The following COL5A2 variants were observed in gnomAD, a reference collection of about 807,000 sequenced individuals.
COL5A2 encodes collagen alpha-2(V) chain.
A neutral mutation model predicts 208.2 loss-of-function variants in COL5A2; 23 were observed. The ratio of observed to expected loss-of-function variants is 0.11; its 90% CI spans 0.08 to 0.16. COL5A2 has a LOEUF of 0.16. Among genes scored for constraint, COL5A2 ranks in the 10% least tolerant of loss-of-function variants. The pLI is 1.00. For missense variants in COL5A2, 1,590 were observed against 1,956.4 expected, an observed-to-expected ratio of 0.81 and a Z score of 3.53; for synonymous variants, 625 against 628.5, an observed-to-expected ratio of 0.99 and a Z score of 0.08.
At chr2:189,295,269 C>G in the COL5A2 span, among the ~76,000 whole-genome samples, 1 of 152,130 alleles carries the variant, frequency 6.6e-6, no homozygotes, top group African/African-American at 2.4e-5. Flanking sequence ...AGAAATGATT[C>G]TGTTTATCCT....
the COL5A2 span, among the ~76,000 whole-genome samples, chr2:189,382,083 G>A: frequency 6.6e-6 from 1 of 152,082 alleles, no homozygotes; most frequent in Non-Finnish European, 1.5e-5. Context: ...CTTACAACTT[G>A]AATAAATGAC....
At chr2:189,048,115 G>T (rs1009768994) in intron 45 of COL5A2, 94 bp downstream of exon 45, 6 of 1,109,420 alleles carry the variant, frequency 5.4e-6, no homozygotes, top group Non-Finnish European at 8.2e-6. Context: ...AAGTGTATTG[G>T]AACTATCAGG....
chr2:189,120,648 T>C (rs140654157), intron 1 of COL5A2, among the ~76,000 whole-genome samples: 181 of 152,328 alleles, frequency 1.2e-3, no homozygotes, highest in Admixed American at 2.1e-3. Flanking sequence ...TAATGAAACA[T>C]ATTTTAAACC....
Position 189,068,127 on chromosome 2 carries a change from A to G in COL5A2, c.1303-14T>C. 5.0e-6 allele frequency: 8 copies of G among 1,609,622 alleles called. No individual in the cohort carries two copies. Among genetic ancestry groups the G allele is most frequent in the Non-Finnish European group, 6.8e-6 (8 of 1,175,864 alleles). On this transcript the variant is annotated splice_polypyrimidine_tract_variant and intron_variant, in intron 20 of 53. Coordinates refer to ENST00000374866, the MANE Select transcript of COL5A2 (RefSeq NM_000393.5). ...ACCTGGAGAGCCCTATTAAACAGCA[A>G]GAGTGATGTGGTAAGTAGAGACACA...
At chr2:189,406,204 G>C in the COL5A2 span, among the ~76,000 whole-genome samples, 3 of 152,112 alleles carry the variant, frequency 2.0e-5, no homozygotes, top group Admixed American at 6.5e-5. Flanking sequence ...GTTGGAAATT[G>C]AGAATTTTAA....
rs901930949 is a variant in COL5A2, at chr2:189,088,617, C to A, written c.645+78G>T. 6 of 1,012,158 alleles carry A rather than the reference C, an allele frequency of 5.9e-6. 1 individual carries two copies. The highest frequency in any genetic ancestry group is 5.1e-5 in the Admixed American group (3 of 59,056). The allele number at this position is 1,012,158 out of a possible 1,614,324, so 62.7% of individuals were successfully genotyped here. A position where few individuals can be genotyped will look rare whatever the true frequency, so the allele number is the denominator to read the frequency against. The stretch of plus-strand genomic sequence containing the variant: ...TAAGAAGATGCATGTTATTCTTTGA[C>A]TAGTTAACTCAAGATTCTCTTTTTA... On this transcript the variant is annotated intron_variant, in intron 8 of 53. Coordinates refer to ENST00000374866, the MANE Select transcript of COL5A2 (RefSeq NM_000393.5).
the COL5A2 span, among the ~76,000 whole-genome samples, chr2:189,350,779 T>C: frequency 6.6e-6 from 1 of 152,090 alleles, no homozygotes; most frequent in Non-Finnish European, 1.5e-5. Context: ...GCTGAGAAAA[T>C]ATTATTCACC....
chr2:189,155,245 C>A, intron 1 of COL5A2, among the ~76,000 whole-genome samples: 1 of 152,234 alleles, frequency 6.6e-6, no homozygotes, highest in Non-Finnish European at 1.5e-5. Flanking sequence ...ACTTTGGCCT[C>A]CCAAAGTGCT....
the COL5A2 span, among the ~76,000 whole-genome samples, chr2:189,316,559 A>G: frequency 5.3e-5 from 8 of 152,218 alleles, no homozygotes; most frequent in East Asian, 1.5e-3. Flanking sequence ...ATAGACACAC[A>G]GAGAGAACAA....
chr2:189,278,318 T>G, the COL5A2 span, among the ~76,000 whole-genome samples: 2 of 152,256 alleles, frequency 1.3e-5, no homozygotes, highest in African/African-American at 4.8e-5. Flanking sequence ...TTACGGTAGA[T>G]ATTTTCATCT....
At chr2:189,318,991 G>A in the COL5A2 span, among the ~76,000 whole-genome samples, 1 of 151,588 alleles carries the variant, frequency 6.6e-6, no homozygotes, top group Non-Finnish European at 1.5e-5. Context: ...AGGATATGTG[G>A]TACTGTGCCA....
At chr2:189,149,229 G>A (rs1410152541) in intron 1 of COL5A2, among the ~76,000 whole-genome samples, 1 of 152,188 alleles carries the variant, frequency 6.6e-6, no homozygotes, top group Non-Finnish European at 1.5e-5. Context: ...ATGTGCTAAT[G>A]TTAGGTGAAG....
intron 1 of COL5A2, among the ~76,000 whole-genome samples, chr2:189,185,028 CT>C (rs1204160030): frequency 1.5e-3 from 219 of 147,046 alleles, no homozygotes; most frequent in East Asian, 5.1e-3. Context: ...TAATATGCTA[CT>C]TTTTTTTTTT....
At chr2:189,225,476 ACAGT>A (rs776331234), upstream of COL5A2, among the ~76,000 whole-genome samples, 9 of 152,186 alleles carry the variant, frequency 5.9e-5, no homozygotes, top group Non-Finnish European at 1.2e-4. Context: ...CTTATTTTTC[ACAGT>A]CAGACTCTCA....
At chr2:189,170,630 T>C (rs1406596532) in intron 1 of COL5A2, among the ~76,000 whole-genome samples, 3 of 152,110 alleles carry the variant, frequency 2.0e-5, no homozygotes, top group Non-Finnish European at 2.9e-5. Context: ...TGCTGCATGG[T>C]GTGCTGCAAT....
At position 189,032,564 on chromosome 2, in the gene COL5A2, C is replaced by T. The variant is rs562447249; in HGVS notation, c.*1506G>A. ...TTTGATGCTTTGCAGAGATACATGA[C>T]CAAAGTTGTATGCATGGCTTGTCTT... On this transcript the variant is annotated 3_prime_UTR_variant, in exon 54 of 54. Transcript: ENST00000374866. 1 of 151,968 alleles carries T rather than the reference C, an allele frequency of 6.6e-6. No homozygotes were observed. The highest frequency in any genetic ancestry group is 2.1e-4 in the South Asian group (1 of 4,834). 9.4% of individuals were successfully genotyped at this position (151,968 alleles called of 1,614,324 possible).
At chr2:189,225,603 A>C (rs992330294), upstream of COL5A2, among the ~76,000 whole-genome samples, 5 of 152,188 alleles carry the variant, frequency 3.3e-5, no homozygotes, top group Non-Finnish European at 7.3e-5. Flanking sequence ...TAACACAGAG[A>C]ATATAATCAG....
At chr2:189,068,476 T>G (rs1219940021) in intron 19 of COL5A2, among the ~76,000 whole-genome samples, 1 of 152,188 alleles carries the variant, frequency 6.6e-6, no homozygotes, top group East Asian at 1.9e-4. Flanking sequence ...AAGGGAAATA[T>G]ATTTTTTCAC....
chr2:189,140,309 T>A (rs959641307), intron 1 of COL5A2, among the ~76,000 whole-genome samples: 1 of 152,118 alleles, frequency 6.6e-6, no homozygotes, highest in African/African-American at 2.4e-5. Context: ...AGAAAAAACA[T>A]GCCCAGGGCC....
Sources: gnomAD v4.1 joint callset for allele counts (sites outside exome capture counted in the v4.1 genomes callset) on GRCh38, gnomAD v4.1.1 for gene constraint, MANE v1.5 for transcripts, NCBI Gene and HGNC (gene_info 2026-07-23, HGNC 2026-07-21) for gene names.